AOAH: variants seen among roughly 807,000 people sequenced by gnomAD.
AOAH encodes acyloxyacyl hydrolase.
AOAH carries 64 observed loss-of-function variants against 92.2 expected under a neutral mutation model. The observed-to-expected ratio is 0.69, with a 90% confidence interval of 0.57 to 0.86. The LOEUF (loss-of-function observed/expected upper bound fraction) is 0.86, where lower values mean the gene tolerates loss of function less well. Ranked by LOEUF, AOAH falls within the 40% of genes least tolerant of loss-of-function variation. AOAH has a pLI of 0.00. For missense variants in AOAH, 656 were observed against 694.6 expected, an observed-to-expected ratio of 0.94 and a Z score of 0.62; for synonymous variants, 263 against 254.5, an observed-to-expected ratio of 1.03 and a Z score of -0.32.
intron 4 of AOAH, among the ~76,000 whole-genome samples, chr7:36,642,222 C>A (rs1405324433): frequency 6.6e-6 from 1 of 151,816 alleles, no homozygotes; most frequent in Non-Finnish European, 1.5e-5. Context: ...TTTGCACCAA[C>A]CTAATAGTTA....
chr7:36,514,372 G>T lies in AOAH; in HGVS notation c.1600-992C>A, dbSNP rs968713601. 10 of 916,656 alleles carry T rather than the reference G, an allele frequency of 1.1e-5. No homozygotes were observed. The Admixed American group carries it at 1.3e-4, about 12-fold the overall frequency. The allele number at this position is 916,656 out of a possible 1,614,324, so 56.8% of individuals were successfully genotyped here. A position where few individuals can be genotyped will look rare whatever the true frequency, so the allele number is the denominator to read the frequency against. On this transcript the variant is annotated intron_variant, in intron 20 of 20. Transcript: ENST00000617537. The stretch of plus-strand genomic sequence containing the variant: ...TGACTGGGTGGGGGGTGGGATCCTG[G>T]CAGGCTGTGAGGGCAGGGAGTCTGG...
intron 1 of AOAH, among the ~76,000 whole-genome samples, chr7:36,689,841 T>A (rs1366688169): frequency 6.6e-6 from 1 of 152,202 alleles, no homozygotes; most frequent in Non-Finnish European, 1.5e-5. Flanking sequence ...CTTGATGAGA[T>A]GCAAGAATTG....
chr7:36,624,592 C>T (rs1204744509), intron 6 of AOAH, among the ~76,000 whole-genome samples: 2 of 152,354 alleles, frequency 1.3e-5, no homozygotes, highest in East Asian at 3.9e-4. Flanking sequence ...ACCAGGTTCC[C>T]TTGGGAACTG....
At chr7:36,623,447 C>A (rs1321161971) in intron 6 of AOAH, among the ~76,000 whole-genome samples, 197 bp from the exon 7 acceptor site, 1 of 152,180 alleles carries the variant, frequency 6.6e-6, no homozygotes, top group Non-Finnish European at 1.5e-5. Context: ...CTTTACCCAA[C>A]AGAACTGTTT....
At chr7:36,590,481 G>A (rs551794993) in intron 12 of AOAH, among the ~76,000 whole-genome samples, 10 of 152,206 alleles carry the variant, frequency 6.6e-5, no homozygotes, top group African/African-American at 1.9e-4. Context: ...TAAAACTAAG[G>A]GGTTATGTTT....
At chr7:36,678,600 T>TGTGTGTGTGTGTGTGCGCGC (rs549317369) in intron 2 of AOAH, among the ~76,000 whole-genome samples, 86 of 131,068 alleles carry the variant, frequency 6.6e-4, no homozygotes, top group Non-Finnish European at 1.1e-3. Context: ...TGTGTGTGTG[T>TGTGTGTGTGTGTGTGCGCGC]GCGCGCGCGC....
intron 12 of AOAH, among the ~76,000 whole-genome samples, chr7:36,587,076 AG>A (rs1376442381): frequency 3.3e-5 from 5 of 151,972 alleles, no homozygotes; most frequent in Non-Finnish European, 5.9e-5. Flanking sequence ...GTTCGCGACC[AG>A]CCTGGGCAAT....
chr7:36,532,897 A>G (rs1784784530), intron 16 of AOAH, among the ~76,000 whole-genome samples: 3 of 152,084 alleles, frequency 2.0e-5, no homozygotes, highest in Non-Finnish European at 1.5e-5. Context: ...TGGTGAACTG[A>G]AAGCCATACG....
intron 20 of AOAH, among the ~76,000 whole-genome samples, chr7:36,515,990 C>T (rs532923441): frequency 2.5e-4 from 36 of 142,584 alleles, no homozygotes; most frequent in African/African-American, 8.5e-4. Flanking sequence ...CCACACATCA[C>T]GCATACATAC....
At chr7:36,674,594 T>C (rs1427892505) in intron 2 of AOAH, among the ~76,000 whole-genome samples, 1 of 152,226 alleles carries the variant, frequency 6.6e-6, no homozygotes, top group Non-Finnish European at 1.5e-5. Context: ...TGAGAGCACA[T>C]GAATGTTTTG....
intron 4 of AOAH, among the ~76,000 whole-genome samples, chr7:36,648,567 T>C (rs1794378015): frequency 6.6e-6 from 1 of 152,110 alleles, no homozygotes; most frequent in South Asian, 2.1e-4. Flanking sequence ...TGTATTAGTA[T>C]TTCCCTTTGT....
intron 19 of AOAH, among the ~76,000 whole-genome samples, chr7:36,526,429 G>A (rs963411666): frequency 6.6e-6 from 1 of 152,024 alleles, no homozygotes; most frequent in African/African-American, 2.4e-5. Flanking sequence ...TCCTTTTTTT[G>A]TTTATCTCAG....
chr7:36,561,672 A>G (rs563953599), intron 13 of AOAH, among the ~76,000 whole-genome samples: 1 of 152,046 alleles, frequency 6.6e-6, no homozygotes, highest in Non-Finnish European at 1.5e-5. Flanking sequence ...TCATTCTTTT[A>G]TTTTTCTCTT....
chr7:36,692,500 G>A (rs971889436), intron 1 of AOAH, among the ~76,000 whole-genome samples: 1 of 151,818 alleles, frequency 6.6e-6, no homozygotes, highest in Non-Finnish European at 1.5e-5. Flanking sequence ...AATTGCCAAC[G>A]TTGCCAAGAA....
At chr7:36,628,432 A>G (rs1423849891) in intron 6 of AOAH, among the ~76,000 whole-genome samples, 2 of 152,156 alleles carry the variant, frequency 1.3e-5, no homozygotes, top group Non-Finnish European at 2.9e-5. Context: ...TTTTCCTGGT[A>G]AAGTGGTGCT....
chr7:36,685,551 T>C (rs1260944869), intron 2 of AOAH, among the ~76,000 whole-genome samples: 3 of 152,202 alleles, frequency 2.0e-5, no homozygotes, highest in African/African-American at 7.2e-5. Flanking sequence ...CCAAAAACAT[T>C]ACTGGCAAAA....
chr7:36,584,158 T>G (rs1189857907), intron 12 of AOAH, among the ~76,000 whole-genome samples: 4 of 152,256 alleles, frequency 2.6e-5, no homozygotes, highest in Non-Finnish European at 5.9e-5. Flanking sequence ...AAGGCTATAA[T>G]AAGCCTTATA....
Position 36,709,215 on chromosome 7 carries a change from C to T in AOAH, c.127+14807G>A, listed in dbSNP as rs116413324. Among the ~76,000 whole-genome samples, 1,498 of 152,230 alleles carry T rather than the reference C, an allele frequency of 9.8e-3. 21 individuals are homozygous for T. The highest frequency in any genetic ancestry group is 0.034 in the African/African-American group (1,398 of 41,544). On this transcript the variant is annotated intron_variant, in intron 1 of 20. Coordinates refer to ENST00000617537, the MANE Select transcript of AOAH (RefSeq NM_001637.4). ...GTAGGTTCTGCTTGTTAATTCCCAA[C>T]GGCCTCCATCACTTTTGGCCAGGAG...
chr7:36,577,388 G>C (rs187267047), intron 12 of AOAH, among the ~76,000 whole-genome samples: 2 of 152,172 alleles, frequency 1.3e-5, no homozygotes. Flanking sequence ...TAAGGTTGAC[G>C]TTGAGAAGGC....
Sources: gnomAD v4.1 joint callset for allele counts (sites outside exome capture counted in the v4.1 genomes callset) on GRCh38, gnomAD v4.1.1 for gene constraint, MANE v1.5 for transcripts, NCBI Gene and HGNC (gene_info 2026-07-23, HGNC 2026-07-21) for gene names.